SCN2B: variants seen among roughly 807,000 people sequenced by gnomAD.
SCN2B encodes sodium channel regulatory subunit beta-2.
A neutral mutation model predicts 18.2 loss-of-function variants in SCN2B; 14 were observed. That is an observed-to-expected ratio of 0.77 (90% CI 0.51 to 1.21). The LOEUF (loss-of-function observed/expected upper bound fraction) is 1.21, where lower values mean the gene tolerates loss of function less well. Among genes scored for constraint, SCN2B ranks in the 50% most tolerant of loss-of-function variants. The pLI is 0.00. For synonymous variants in SCN2B, 115 were observed against 115.3 expected (o/e 1.00, Z 0.02); for missense variants, 262 against 286.9 (o/e 0.91, Z 0.63).
chr11:118,171,590 C>T (rs950285163), intron 1 of SCN2B, among the ~76,000 whole-genome samples: 4 of 152,242 alleles, frequency 2.6e-5, no homozygotes, highest in South Asian at 2.1e-4. Flanking sequence ...CTGCCCCCCA[C>T]CAAGCCCAAG....
Position 118,168,365 on chromosome 11 carries a change from C to T in SCN2B, c.238-70G>A, listed in dbSNP as rs906168463. The T allele has an allele frequency of 9.8e-6, 14 of 1,425,642 alleles. No homozygotes were observed. The Middle Eastern group carries it at 5.2e-4, about 53-fold the overall frequency. 88.3% of individuals were successfully genotyped at this position (1,425,642 alleles called of 1,614,324 possible). ...GAACTACAAGGACAGTGAGGATGCCCCCTCTTCCCATCCACCCTTTTCCTG... is the reference window on the plus strand; with the variant it reads ...GAACTACAAGGACAGTGAGGATGCCTCCTCTTCCCATCCACCCTTTTCCTG... On this transcript the variant is annotated intron_variant, in intron 2 of 3. Coordinates refer to ENST00000278947, the MANE Select transcript of SCN2B (RefSeq NM_004588.5). This position sits in a 1 kb window ranked among gnomAD's most constrained non-coding sequence, Gnocchi z 4.7.
In SCN2B at chr11:118,166,408, T is replaced by A. The variant is rs1018741102; in HGVS notation, c.*479A>T. On this transcript the variant is annotated 3_prime_UTR_variant, in exon 4 of 4. Coordinates refer to ENST00000278947, the MANE Select transcript of SCN2B (RefSeq NM_004588.5). Reference sequence around the variant, plus strand: ...TCATCGTCACCTCCAGCCTGATGGCTGCTCTGGGCTGGGAGCAGGGGAGGA... The same window carrying A: ...TCATCGTCACCTCCAGCCTGATGGCAGCTCTGGGCTGGGAGCAGGGGAGGA... 1 of 211,236 alleles carries A rather than the reference T, an allele frequency of 4.7e-6. No individual in the cohort carries two copies. The highest frequency in any genetic ancestry group is 2.3e-5 in the African/African-American group (1 of 43,310). 13.1% of individuals were successfully genotyped at this position (211,236 alleles called of 1,614,324 possible). A position where few individuals can be genotyped will look rare whatever the true frequency, so the allele number is the denominator to read the frequency against.
intron 3 of SCN2B, 98 bp from the exon 4 acceptor site, chr11:118,167,184 C>G: frequency 7.9e-7 from 1 of 1,269,224 alleles, no homozygotes; most frequent in Non-Finnish European, 1.1e-6. Context: ...CCTGACTTTA[C>G]TCTCCTCCAC....
intron 1 of SCN2B, among the ~76,000 whole-genome samples, chr11:118,170,665 T>G (rs1948424248): frequency 6.6e-6 from 1 of 152,140 alleles, no homozygotes; most frequent in African/African-American, 2.4e-5. Context: ...AGACTAGACT[T>G]GGGTTCAATC....
rs1397695015 is a variant in SCN2B, at chr11:118,166,571, C to T, written c.*316G>A. 2.3e-6 allele frequency: 1 copy of T among 438,968 alleles called. No homozygotes were observed. The highest frequency in any genetic ancestry group is 3.5e-5 in the Admixed American group (1 of 28,694). The allele number at this position is 438,968 out of a possible 1,614,324, so 27.2% of individuals were successfully genotyped here. A position where few individuals can be genotyped will look rare whatever the true frequency, so the allele number is the denominator to read the frequency against. On this transcript the variant is annotated 3_prime_UTR_variant, in exon 4 of 4. Coordinates refer to ENST00000278947, the MANE Select transcript of SCN2B (RefSeq NM_004588.5). ...TGGACAGCGGCCCCCTCCTCTACCCCTGCCCACCCACTCCCTTCTCTCTGG... is the reference window on the plus strand; with the variant it reads ...TGGACAGCGGCCCCCTCCTCTACCCTTGCCCACCCACTCCCTTCTCTCTGG...
At chr11:118,172,559 G>A (rs1234309733) in intron 1 of SCN2B, among the ~76,000 whole-genome samples, 2 of 152,214 alleles carry the variant, frequency 1.3e-5, no homozygotes, top group Admixed American at 1.3e-4. Flanking sequence ...CTCCATACAA[G>A]GGGGGCCCAC....
chr11:118,168,627 C>G lies in SCN2B; in HGVS notation c.195G>C (p.Leu65=). The change falls in exon 2 of 4, where the codon CTG becomes CTC. Residue 65 remains leucine, a synonymous_variant. Coordinates refer to ENST00000278947, the MANE Select transcript of SCN2B (RefSeq NM_004588.5). This position sits in a 1 kb window ranked among gnomAD's most constrained non-coding sequence, Gnocchi z 4.7. ...CYTVNHKQFS[L]NWTYQECNNC... ...TGTTGCACTCCTGGTAAGTCCAGTT[C>G]AGGGAGAACTGTTTGTGGTTCACTG... 1 of 1,614,240 alleles carries G rather than the reference C, an allele frequency of 6.2e-7. No homozygotes were observed. Among genetic ancestry groups the G allele is most frequent in the Non-Finnish European group, 8.5e-7 (1 of 1,180,038 alleles).
At chr11:118,175,405 A>G (rs1228792328) in intron 1 of SCN2B, among the ~76,000 whole-genome samples, 1 of 152,068 alleles carries the variant, frequency 6.6e-6, no homozygotes, top group Non-Finnish European at 1.5e-5. Context: ...TGTGTTTAGC[A>G]CTCCTACTCC....
chr11:118,166,754 G>A lies in SCN2B; in HGVS notation c.*133C>T. 1.0e-6 allele frequency: 1 copy of A among 989,928 alleles called. No homozygotes were observed. Among genetic ancestry groups the A allele is most frequent in the Non-Finnish European group, 1.6e-6 (1 of 639,318 alleles). 61.3% of individuals were successfully genotyped at this position (989,928 alleles called of 1,614,324 possible). ...GCAGGGTGGGAGATACGAAGTCGGG[G>A]GTTCAGGAGGCCCCAGGTGGGCCCT... is the stretch of plus-strand genomic sequence containing the variant. On this transcript the variant is annotated 3_prime_UTR_variant, in exon 4 of 4. Transcript: ENST00000278947.
rs369045150 is a variant in SCN2B at position 118,168,719 on chromosome 11, G to A, written c.103C>T (p.Pro35Ser). ...PPGRSMEVTV[P>S]ATLNVLNGSD... ...CCATTGAGGACGTTGAGGGTGGCAGGTACTGTGACCTCCATGCTCCGTCCT... is the reference window on the plus strand; with the variant it reads ...CCATTGAGGACGTTGAGGGTGGCAGATACTGTGACCTCCATGCTCCGTCCT... The change falls in exon 2 of 4, where the codon CCT becomes TCT. Residue 35 changes from proline (P) to serine (S), a missense_variant. Pro to Ser is a moderately conservative substitution (Grantham distance 74). Transcript: ENST00000278947. This position sits in a 1 kb window ranked among gnomAD's most constrained non-coding sequence, Gnocchi z 4.7. 9.9e-6 allele frequency: 16 copies of A among 1,614,112 alleles called. No individual in the cohort carries two copies. Among genetic ancestry groups the A allele is most frequent in the Non-Finnish European group, 1.4e-5 (16 of 1,180,040 alleles).
At chr11:118,170,238 C>T (rs1948419830) in intron 1 of SCN2B, among the ~76,000 whole-genome samples, 1 of 152,158 alleles carries the variant, frequency 6.6e-6, no homozygotes, top group African/African-American at 2.4e-5. Context: ...GGTAGAGACA[C>T]TCGGCAAGGT....
At chr11:118,171,354 G>A (rs1015644554) in intron 1 of SCN2B, among the ~76,000 whole-genome samples, 7 of 152,190 alleles carry the variant, frequency 4.6e-5, no homozygotes, top group African/African-American at 9.7e-5. Flanking sequence ...ATCTGGCAGC[G>A]CACCAGCCAA....
intron 1 of SCN2B, among the ~76,000 whole-genome samples, chr11:118,170,246 G>A (rs1336480062): frequency 6.6e-6 from 1 of 152,210 alleles, no homozygotes; most frequent in Non-Finnish European, 1.5e-5. Flanking sequence ...CACTCGGCAA[G>A]GTAGAGGGGC....
At position 118,174,091 on chromosome 11, in the gene SCN2B, C is replaced by CTTTTGTTTTTTTTTTTTTTTTTTTT. The variant is rs1555101438; in HGVS notation, c.70+2270_70+2271insAAAAAAAAAAAAAAAAAAAACAAAA. 7.5e-5 allele frequency among the ~76,000 whole-genome samples: 5 copies of CTTTTGTTTTTTTTTTTTTTTTTTTT among 66,626 alleles called. 1 individual carries two copies. The highest frequency in any genetic ancestry group is 3.2e-4 in the African/African-American group (5 of 15,532). 43.7% of individuals were successfully genotyped at this position (66,626 alleles called of 152,430 possible). A position where few individuals can be genotyped will look rare whatever the true frequency, so the allele number is the denominator to read the frequency against. ...ACCATGCCTGGCTTATTTTTCTTTT[C>CTTTTGTTTTTTTTTTTTTTTTTTTT]TTTTTTTTTTTTTTTTTTTTTTTTT... On this transcript the variant is annotated intron_variant, in intron 1 of 3. Transcript: ENST00000278947.
Position 118,168,504 on chromosome 11 carries a change from G to A in SCN2B, c.237+81C>T, listed in dbSNP as rs1052340375. 72 of 1,571,992 alleles carry A rather than the reference G, an allele frequency of 4.6e-5. No homozygotes were observed. Among genetic ancestry groups the A allele is most frequent in the South Asian group, 1.8e-4 (16 of 89,606 alleles). ...TCCTCTGGGGCCCTAGCGCAGTGCC[G>A]GGGCCGGTGGTGGGACCAGGGGCTT... On this transcript the variant is annotated intron_variant, in intron 2 of 3. Coordinates refer to ENST00000278947, the MANE Select transcript of SCN2B (RefSeq NM_004588.5). This position sits in a 1 kb window ranked among gnomAD's most constrained non-coding sequence, Gnocchi z 4.7.
chr11:118,170,201 A>C (rs947957951), intron 1 of SCN2B, among the ~76,000 whole-genome samples: 10 of 152,200 alleles, frequency 6.6e-5, no homozygotes, highest in African/African-American at 2.4e-4. Flanking sequence ...GATAGACATC[A>C]ACAAGGAAAA....
chr11:118,168,323 G>T lies in SCN2B; in HGVS notation c.238-28C>A, dbSNP rs1053500813. The stretch of plus-strand genomic sequence containing the variant: ...GGGGTTGGAGCAAGGGACAGGATGG[G>T]TGGCTGGATGAGCAAGGAACTACAA... On this transcript the variant is annotated intron_variant, in intron 2 of 3. Transcript: ENST00000278947. This position sits in a 1 kb window ranked among gnomAD's most constrained non-coding sequence, Gnocchi z 4.7. 1 of 1,591,700 alleles carries T rather than the reference G, an allele frequency of 6.3e-7. No homozygotes were observed. Among genetic ancestry groups the T allele is most frequent in the Non-Finnish European group, 8.6e-7 (1 of 1,159,766 alleles).
In SCN2B at chr11:118,168,394, A is replaced by G. The variant is rs1467320123; in HGVS notation, c.238-99T>C. ...CTTCCCATCCACCCTTTTCCTGGGGAAGAGAGGCAGTTACCTCTGTGAGGC... is the reference window on the plus strand; with the variant it reads ...CTTCCCATCCACCCTTTTCCTGGGGGAGAGAGGCAGTTACCTCTGTGAGGC... On this transcript the variant is annotated intron_variant, in intron 2 of 3. Coordinates refer to ENST00000278947, the MANE Select transcript of SCN2B (RefSeq NM_004588.5). The surrounding 1 kb of genome is among the most constrained non-coding windows in gnomAD (Gnocchi z 4.7). 5 of 1,325,648 alleles carry G rather than the reference A, an allele frequency of 3.8e-6. No individual in the cohort carries two copies. Among genetic ancestry groups the G allele is most frequent in the Non-Finnish European group, 5.4e-6 (5 of 920,254 alleles). 82.1% of individuals were successfully genotyped at this position (1,325,648 alleles called of 1,614,324 possible). A position where few individuals can be genotyped will look rare whatever the true frequency, so the allele number is the denominator to read the frequency against.
rs1283960639 is a variant in SCN2B, at chr11:118,165,847, G to A, written c.*1040C>T. ...CTGCAGATGGGACAGGGCTGGCATT[G>A]GCAGCTCAGGTTCCAAGGCCTCCCC... On this transcript the variant is annotated 3_prime_UTR_variant, in exon 4 of 4. Transcript: ENST00000278947. 1.3e-5 allele frequency: 2 copies of A among 152,418 alleles called. No homozygotes were observed. The highest frequency in any genetic ancestry group is 3.9e-4 in the East Asian group (2 of 5,184). 9.4% of individuals were successfully genotyped at this position (152,418 alleles called of 1,614,324 possible). A position where few individuals can be genotyped will look rare whatever the true frequency, so the allele number is the denominator to read the frequency against.
Sources: gnomAD v4.1 joint callset for allele counts (sites outside exome capture counted in the v4.1 genomes callset) on GRCh38, gnomAD v4.1.1 for gene constraint, Gnocchi (gnomAD v3.1) non-coding constraint, MANE v1.5 for transcripts, NCBI Gene and HGNC (gene_info 2026-07-23, HGNC 2026-07-21) for gene names.